CHRM3: variants seen among roughly 807,000 people sequenced by gnomAD.
CHRM3 encodes muscarinic acetylcholine receptor M3.
Under a neutral mutation model 41.8 loss-of-function variants are expected in CHRM3, and 11 were observed. The ratio of observed to expected loss-of-function variants is 0.26; its 90% CI spans 0.17 to 0.44. The LOEUF (loss-of-function observed/expected upper bound fraction) is 0.44, where lower values mean the gene tolerates loss of function less well. Among genes scored for constraint, CHRM3 ranks in the 20% least tolerant of loss-of-function variants. CHRM3 has a pLI of 1.00. For missense variants in CHRM3, 571 were observed against 745.4 expected (o/e 0.77, Z 2.72); for synonymous variants, 297 against 301.4 (o/e 0.99, Z 0.15).
At chr1:239,868,810 CCTTGG>C (rs1478499385) in intron 6 of CHRM3, among the ~76,000 whole-genome samples, 1 of 152,160 alleles carries the variant, frequency 6.6e-6, no homozygotes, top group African/African-American at 2.4e-5. Flanking sequence ...GAGAACGGAG[CCTTGG>C]CTTGTAGTAG....
At chr1:239,774,925 A>G (rs538211) in intron 5 of CHRM3, among the ~76,000 whole-genome samples, 130,369 of 152,122 alleles carry the variant, frequency 0.86, 56,122 homozygotes, top group African/African-American at 0.9. Flanking sequence ...AAACTTTAGT[A>G]TGCAATAGTT....
At chr1:239,612,281 A>T (rs1458682293) in intron 3 of CHRM3, among the ~76,000 whole-genome samples, 1 of 152,184 alleles carries the variant, frequency 6.6e-6, no homozygotes, top group Non-Finnish European at 1.5e-5. Flanking sequence ...CAAATATCAT[A>T]TATTTAACCA....
At chr1:239,427,526 C>T (rs2103141742) in intron 1 of CHRM3, among the ~76,000 whole-genome samples, 1 of 152,204 alleles carries the variant, frequency 6.6e-6, no homozygotes, top group Middle Eastern at 3.4e-3. Flanking sequence ...ACCTCCCTCT[C>T]TTGCCACCAT....
At chr1:239,835,836 G>A (rs1057301984) in intron 6 of CHRM3, among the ~76,000 whole-genome samples, 1 of 152,196 alleles carries the variant, frequency 6.6e-6, no homozygotes, top group Non-Finnish European at 1.5e-5. Context: ...TCAGAAGGAT[G>A]AACGAACATG....
At chr1:239,740,792 C>T (rs760253706) in intron 5 of CHRM3, among the ~76,000 whole-genome samples, 17 of 151,860 alleles carry the variant, frequency 1.1e-4, no homozygotes, top group African/African-American at 3.6e-4. Flanking sequence ...GTTAGAAGGG[C>T]GATTATTAAA....
chr1:239,899,447 G>A (rs902925259), intron 6 of CHRM3, among the ~76,000 whole-genome samples: 2 of 149,202 alleles, frequency 1.3e-5, no homozygotes, highest in African/African-American at 2.5e-5. Flanking sequence ...GTATGTATAT[G>A]ATATGTATAT....
chr1:239,824,481 A>G (rs2149065303), intron 5 of CHRM3, among the ~76,000 whole-genome samples: 1 of 152,362 alleles, frequency 6.6e-6, no homozygotes, highest in South Asian at 2.1e-4. Flanking sequence ...AAAATGATAA[A>G]AACCTCTTAT....
chr1:239,629,791 C>CCTCT (rs1448048482), intron 3 of CHRM3, among the ~76,000 whole-genome samples: 1 of 152,124 alleles, frequency 6.6e-6, no homozygotes, highest in Non-Finnish European at 1.5e-5. Context: ...TTGAAAGAAG[C>CCTCT]CTCTCATCTG....
At chr1:239,889,574 C>T (rs954673744) in intron 6 of CHRM3, among the ~76,000 whole-genome samples, 2 of 152,152 alleles carry the variant, frequency 1.3e-5, no homozygotes, top group South Asian at 4.1e-4. Flanking sequence ...TTTCTTGGGC[C>T]GCTTTTTGTT....
At chr1:239,408,827 A>G (rs1370475003) in intron 1 of CHRM3, among the ~76,000 whole-genome samples, 2 of 149,746 alleles carry the variant, frequency 1.3e-5, no homozygotes, top group Admixed American at 1.3e-4. Flanking sequence ...TCACTGTGTT[A>G]CCCAGGCTGG....
intron 1 of CHRM3, among the ~76,000 whole-genome samples, chr1:239,426,564 C>T (rs375079298): frequency 4.0e-5 from 6 of 151,512 alleles, no homozygotes; most frequent in African/African-American, 1.5e-4. Flanking sequence ...AGTGTGTGAG[C>T]ATATGTGTGT....
chr1:239,664,536 T>C (rs1673571895), intron 4 of CHRM3, among the ~76,000 whole-genome samples: 2 of 152,186 alleles, frequency 1.3e-5, no homozygotes, highest in African/African-American at 2.4e-5. Context: ...TTTTTTCTCT[T>C]ACCCCTCATC....
rs547075252 is a variant in CHRM3, at chr1:239,413,682, G to A, written c.-521+26455G>A. ...AAATAATGAGTGGCTATGTGGAAAC[G>A]AAGAACTCACTTATCTGGATTATTT... is the stretch of plus-strand genomic sequence containing the variant. On this transcript the variant is annotated intron_variant, in intron 1 of 6. Coordinates refer to ENST00000676153, the MANE Select transcript of CHRM3 (RefSeq NM_001375978.1). Among the ~76,000 whole-genome samples, 93 of 152,292 alleles carry A rather than the reference G, an allele frequency of 6.1e-4. 1 individual carries two copies. Among genetic ancestry groups the A allele is most frequent in the African/African-American group, 2.1e-3 (89 of 41,560 alleles).
At chr1:239,813,916 C>CAAAAAAAAAAAAAAAAAAAAA (rs67147618) in intron 5 of CHRM3, among the ~76,000 whole-genome samples, 30 of 103,236 alleles carry the variant, frequency 2.9e-4, no homozygotes, top group African/African-American at 1.1e-3. Context: ...GACTCCGTCT[C>CAAAAAAAAAAAAAAAAAAAAA]AAAAAAAAAA....
intron 5 of CHRM3, among the ~76,000 whole-genome samples, chr1:239,680,304 T>C (rs1442422467): frequency 6.6e-6 from 1 of 152,198 alleles, no homozygotes; most frequent in Non-Finnish European, 1.5e-5. Flanking sequence ...CTAGGTTGAA[T>C]GAAGAATCTG....
At chr1:239,665,398 C>T (rs1673679938) in intron 4 of CHRM3, among the ~76,000 whole-genome samples, 1 of 152,034 alleles carries the variant, frequency 6.6e-6, no homozygotes, top group Non-Finnish European at 1.5e-5. Flanking sequence ...TACCTTGAAC[C>T]ATTGGTCTTA....
chr1:239,800,815 G>T (rs533932495), intron 5 of CHRM3, among the ~76,000 whole-genome samples: 2 of 152,202 alleles, frequency 1.3e-5, no homozygotes, highest in East Asian at 1.9e-4. Flanking sequence ...TTTAAACAAA[G>T]ATTTATTATG....
intron 6 of CHRM3, among the ~76,000 whole-genome samples, 183 bp downstream of exon 6, chr1:239,827,561 T>C (rs1053010817): frequency 6.6e-6 from 1 of 152,320 alleles, no homozygotes; most frequent in Middle Eastern, 3.4e-3. Context: ...TCCTACCTAC[T>C]GCACAGGCTT....
At chr1:239,592,820 T>C (rs1381536117) in intron 3 of CHRM3, among the ~76,000 whole-genome samples, 1 of 152,080 alleles carries the variant, frequency 6.6e-6, no homozygotes, top group Admixed American at 6.5e-5. Flanking sequence ...TGTAGGTCCA[T>C]GTTCTCATTC....
Sources: allele counts gnomAD v4.1 joint callset (sites outside exome capture counted in the v4.1 genomes callset), GRCh38; gene constraint gnomAD v4.1.1; transcripts MANE v1.5; gene names NCBI Gene and HGNC (gene_info 2026-07-23, HGNC 2026-07-21).